Variants in NKAIN1 observed in about 807,000 individuals in gnomAD.
NKAIN1 encodes the protein sodium/potassium transporting ATPase interacting 1, also known as sodium/potassium-transporting ATPase subunit beta-1-interacting protein 1.
NKAIN1 carries 13 observed loss-of-function variants against 31.6 expected under a neutral mutation model. The observed-to-expected ratio is 0.41, with a 90% CI of 0.27 to 0.65. The LOEUF (loss-of-function observed/expected upper bound fraction) is 0.65, where lower values mean the gene tolerates loss of function less well. NKAIN1 is among the 30% of genes least tolerant of loss of function. The pLI is 0.30. For synonymous variants in NKAIN1, 104 were observed against 109.0 expected (o/e 0.95, Z 0.28); for missense variants, 193 against 262.2 (o/e 0.74, Z 1.82).
At chr1:31,205,622 T>C (rs1197236126) in intron 1 of NKAIN1, among the ~76,000 whole-genome samples, 10 of 144,068 alleles carry the variant, frequency 6.9e-5, no homozygotes, top group East Asian at 2.1e-4. Context: ...AGTTTTTTTT[T>C]TTTTTTTTTT....
intron 1 of NKAIN1, among the ~76,000 whole-genome samples, chr1:31,224,225 T>G (rs996779444): frequency 1.3e-4 from 19 of 151,288 alleles, no homozygotes; most frequent in African/African-American, 4.6e-4. Flanking sequence ...ATGATAGGAG[T>G]GGTTCTAATT....
Position 31,181,931 on chromosome 1 carries a change from G to A in NKAIN1, c.543C>T (p.Ile181=). The change falls in exon 6 of 7, where the codon ATC becomes ATT. Residue 181 remains isoleucine (I), a synonymous_variant. Transcript: ENST00000373736. ...FLEEEDSFDF[I]GGFDSYGYQA... is the part of the protein sequence containing the mutation. ...GGTATCCGTAGGAGTCAAAGCCGCC[G>A]ATGAAGTCAACTGCGGAAGAGGGGC... 6.2e-7 allele frequency: 1 copy of A among 1,607,570 alleles called. No individual in the cohort carries two copies. The highest frequency in any genetic ancestry group is 2.2e-5 in the East Asian group (1 of 44,676).
At chr1:31,231,522 T>TTG (rs1645647703) in intron 1 of NKAIN1, among the ~76,000 whole-genome samples, 2 of 150,792 alleles carry the variant, frequency 1.3e-5, no homozygotes, top group South Asian at 4.2e-4. Context: ...TTTGTTGTTG[T>TTG]TTGTTGTTGT....
chr1:31,198,063 T>C (rs1035721305), intron 1 of NKAIN1, among the ~76,000 whole-genome samples: 11 of 152,290 alleles, frequency 7.2e-5, no homozygotes, highest in Non-Finnish European at 4.4e-5. Flanking sequence ...TATTTAGTTA[T>C]GGTCTGTCTC....
At chr1:31,191,400 GTTTT>G (rs34521416) in intron 1 of NKAIN1, among the ~76,000 whole-genome samples, 44 of 134,080 alleles carry the variant, frequency 3.3e-4, no homozygotes, top group Non-Finnish European at 3.3e-4. Flanking sequence ...ACAGAGAGAG[GTTTT>G]TTTTTTTTTT....
chr1:31,239,454 G>C lies in NKAIN1; in HGVS notation c.54+40C>G. On this transcript the variant is annotated intron_variant, in intron 1 of 6. Coordinates refer to ENST00000373736, the MANE Select transcript of NKAIN1 (RefSeq NM_024522.3). The surrounding 1 kb of genome is among the most constrained non-coding windows in gnomAD (Gnocchi z 4.8). ...ACGCCCTGGGACCGCGCCCCGCCGC[G>C]CCCCACCCTGCCCCGACTGCCTGGG... 1 of 1,422,422 alleles carries C rather than the reference G, an allele frequency of 7.0e-7. No homozygotes were observed. The highest frequency in any genetic ancestry group is 1.4e-5 in the South Asian group (1 of 71,542). 88.1% of individuals were successfully genotyped at this position (1,422,422 alleles called of 1,614,324 possible).
rs761138403 is a variant in NKAIN1 at position 31,205,613 on chromosome 1, G to GTTTTTTTTTT, written c.55-17436_55-17427dup. Among the ~76,000 whole-genome samples, 4 of 96,534 alleles carry GTTTTTTTTTT rather than the reference G, an allele frequency of 4.1e-5. 1 individual carries two copies. The highest frequency in any genetic ancestry group is 7.7e-5 in the Non-Finnish European group (4 of 51,968). 63.3% of individuals were successfully genotyped at this position (96,534 alleles called of 152,430 possible). ...TGAGCAACCACGCCCAGCCGGACAA[G>GTTTTTTTTTT]TTTTTTTTTTTTTTTTTTTTTTGAG... On this transcript the variant is annotated intron_variant, in intron 1 of 6. Transcript: ENST00000373736.
chr1:31,216,163 G>A (rs888565539), intron 1 of NKAIN1, among the ~76,000 whole-genome samples: 2 of 151,664 alleles, frequency 1.3e-5, no homozygotes, highest in African/African-American at 2.4e-5. Context: ...ACGGGGGAAC[G>A]GAATGGAACA....
intron 1 of NKAIN1, among the ~76,000 whole-genome samples, chr1:31,221,298 G>A (rs192903729): frequency 9.2e-5 from 14 of 152,264 alleles, no homozygotes; most frequent in African/African-American, 3.4e-4. Context: ...TGTCTCTCTG[G>A]TCTAGACGAA....
chr1:31,181,997 G>T, intron 5 of NKAIN1, 56 bp from the exon 6 acceptor site: 1 of 1,519,242 alleles, frequency 6.6e-7, no homozygotes, highest in South Asian at 1.2e-5. Context: ...AGGAGAGGGA[G>T]ACTGGGTCCT....
intron 1 of NKAIN1, chr1:31,193,875 G>C (rs1417963803): frequency 6.6e-6 from 1 of 152,152 alleles, no homozygotes; most frequent in Admixed American, 6.6e-5. Context: ...AATCATAACC[G>C]GCCTTGCTGT....
At chr1:31,218,080 TGAGATGGAG>T (rs1645532471) in intron 1 of NKAIN1, among the ~76,000 whole-genome samples, 1 of 84,568 alleles carries the variant, frequency 1.2e-5, no homozygotes, top group African/African-American at 3.7e-5. Context: ...TTTTTTTTTT[TGAGATGGAG>T]TCTCGCTCTG....
intron 1 of NKAIN1, among the ~76,000 whole-genome samples, chr1:31,228,796 G>A (rs1340559085): frequency 6.6e-6 from 1 of 152,048 alleles, no homozygotes; most frequent in African/African-American, 2.4e-5. Context: ...GGATCTTACT[G>A]TGTTGCCCAG....
At chr1:31,224,742 T>C (rs1373026181) in intron 1 of NKAIN1, among the ~76,000 whole-genome samples, 2 of 152,234 alleles carry the variant, frequency 1.3e-5, no homozygotes, top group African/African-American at 4.8e-5. Flanking sequence ...GAGCCCTTGC[T>C]CTTCCCCACC....
intron 1 of NKAIN1, among the ~76,000 whole-genome samples, chr1:31,204,091 A>C (rs4949197): frequency 6.6e-6 from 1 of 151,794 alleles, no homozygotes; most frequent in East Asian, 1.9e-4. Context: ...AAACTGGGAC[A>C]AGCTGGTCAC....
At position 31,216,649 on chromosome 1, in the gene NKAIN1, T is replaced by C. The variant is rs1423348589; in HGVS notation, c.54+22845A>G. ...TTCCAGAGGAGGGGCGAGGCCATCA[T>C]CAGTGGGGTTTGATCTCCTAGGAAC... On this transcript the variant is annotated intron_variant, in intron 1 of 6. Coordinates refer to ENST00000373736, the MANE Select transcript of NKAIN1 (RefSeq NM_024522.3). Among the ~76,000 whole-genome samples, 5 of 151,876 alleles carry C rather than the reference T, an allele frequency of 3.3e-5. No individual in the cohort carries two copies. The East Asian group carries it at 9.7e-4, about 30-fold the overall frequency.
chr1:31,203,867 G>C (rs982696237), intron 1 of NKAIN1, among the ~76,000 whole-genome samples: 1 of 152,150 alleles, frequency 6.6e-6, no homozygotes, highest in East Asian at 1.9e-4. Flanking sequence ...TTACAGGCGT[G>C]AGCCACTGCG....
chr1:31,207,582 C>G (rs1216974770), intron 1 of NKAIN1, among the ~76,000 whole-genome samples: 1 of 152,150 alleles, frequency 6.6e-6, no homozygotes, highest in African/African-American at 2.4e-5. Flanking sequence ...AGCCCAGCAG[C>G]TGCCTGACCC....
At chr1:31,216,968 C>A (rs1363977885) in intron 1 of NKAIN1, among the ~76,000 whole-genome samples, 1 of 151,926 alleles carries the variant, frequency 6.6e-6, no homozygotes, top group East Asian at 1.9e-4. Flanking sequence ...CGCATTCAAG[C>A]GATTCTCCCG....
Sources: gnomAD v4.1 joint callset for allele counts (sites outside exome capture counted in the v4.1 genomes callset) on GRCh38, gnomAD v4.1.1 for gene constraint, Gnocchi (gnomAD v3.1) non-coding constraint, MANE v1.5 for transcripts, NCBI Gene and HGNC (gene_info 2026-07-23, HGNC 2026-07-21) for gene names.